PARG: variants seen among roughly 807,000 people sequenced by gnomAD.
The protein encoded by PARG is poly(ADP-ribose) glycohydrolase, also known as mitochondrial poly(ADP-ribose) glycohydrolase.
PARG carries 35 observed loss-of-function variants against 113.0 expected under a neutral mutation model. That is an observed-to-expected ratio of 0.31 (90% CI 0.24 to 0.41). The LOEUF (loss-of-function observed/expected upper bound fraction) is 0.41. Among genes scored for constraint, PARG ranks in the 10% least tolerant of loss-of-function variants. PARG has a pLI of 1.00. For missense variants in PARG, 797 were observed against 1,169.4 expected, an observed-to-expected ratio of 0.68 and a Z score of 4.64; for synonymous variants, 330 against 409.9, an observed-to-expected ratio of 0.81 and a Z score of 2.36.
chr10:49,832,897 T>A lies in PARG; in HGVS notation c.2553A>T (p.Gly851=), dbSNP rs1554830537. Residue 851 remains glycine (G), a synonymous_variant, in exon 16 of 18, where the codon GGA becomes GGT. Transcript: ENST00000616448. ...MRRELNKAYC[G]FLRPGVSSEN... ...CTGAAGAAACTCCAGGACGGAGAAATCCACAGTAAGCCTGCAGGATAAAAG... is the reference window on the plus strand; with the variant it reads ...CTGAAGAAACTCCAGGACGGAGAAAACCACAGTAAGCCTGCAGGATAAAAG... 9 of 1,541,678 alleles carry A rather than the reference T, an allele frequency of 5.8e-6. No homozygotes were observed. Among genetic ancestry groups the A allele is most frequent in the Non-Finnish European group, 7.9e-6 (9 of 1,138,230 alleles).
chr10:49,919,266 T>G (rs1837669006), intron 6 of PARG, among the ~76,000 whole-genome samples: 1 of 152,094 alleles, frequency 6.6e-6, no homozygotes, highest in South Asian at 2.1e-4. Flanking sequence ...TATTTGCAGT[T>G]GAAGAAATAT....
At chr10:49,917,609 C>T (rs1490861617) in intron 6 of PARG, among the ~76,000 whole-genome samples, 1 of 151,316 alleles carries the variant, frequency 6.6e-6, no homozygotes, top group Non-Finnish European at 1.5e-5. Flanking sequence ...TCGCTTGAGT[C>T]CAGGAGTTCG....
intron 4 of PARG, among the ~76,000 whole-genome samples, chr10:49,928,088 T>C (rs1323428338): frequency 6.6e-6 from 1 of 151,770 alleles, no homozygotes; most frequent in African/African-American, 2.4e-5. Context: ...CTAGCCAACA[T>C]GGCGAAACCC....
At chr10:49,926,568 G>A (rs1463157174) in intron 4 of PARG, among the ~76,000 whole-genome samples, 8 of 152,128 alleles carry the variant, frequency 5.3e-5, no homozygotes, top group East Asian at 1.9e-4. Flanking sequence ...TCTGACTGAC[G>A]TTCTTCATTC....
chr10:49,837,461 C>T (rs1845000563), intron 15 of PARG, among the ~76,000 whole-genome samples: 1 of 151,544 alleles, frequency 6.6e-6, no homozygotes, highest in South Asian at 2.1e-4. Context: ...TTAACACAGA[C>T]TTCTGCTCTA....
At chr10:49,836,207 C>G (rs1392038953) in intron 15 of PARG, among the ~76,000 whole-genome samples, 1 of 149,806 alleles carries the variant, frequency 6.7e-6, no homozygotes, top group Non-Finnish European at 1.5e-5. Flanking sequence ...TAAAGTTACT[C>G]ATTTATATGA....
intron 16 of PARG, among the ~76,000 whole-genome samples, chr10:49,820,589 G>T (rs1431642784): frequency 1.3e-5 from 2 of 151,960 alleles, no homozygotes; most frequent in Admixed American, 6.6e-5. Context: ...GGGTGTGGTG[G>T]CAGGTGACTG....
intron 4 of PARG, among the ~76,000 whole-genome samples, chr10:49,925,956 G>C (rs1554850472): frequency 6.6e-6 from 1 of 152,242 alleles, no homozygotes; most frequent in African/African-American, 2.4e-5. Context: ...TATTCCTGAT[G>C]CAAGTCCTGC....
chr10:49,912,806 A>C (rs1554846672), intron 7 of PARG, among the ~76,000 whole-genome samples: 1 of 152,158 alleles, frequency 6.6e-6, no homozygotes, highest in Non-Finnish European at 1.5e-5. Context: ...TCTCTACAAA[A>C]AAATACAAAA....
In PARG at chr10:49,933,229, C is replaced by A. The variant is rs1433193287; in HGVS notation, c.1219G>T (p.Asp407Tyr). 4 of 1,590,988 alleles carry A rather than the reference C, an allele frequency of 2.5e-6. No homozygotes were observed. The highest frequency in any genetic ancestry group is 2.2e-5 in the East Asian group (1 of 44,494). ...CRNSKQHGKK[D>Y]SKITDHFMRL... ...ATGAAATGATCTGTGATTTTAGAAT[C>A]CTTTTTTCCATGTTGCTTAGAATTT... The change falls in exon 3 of 18, where the codon GAT (aspartate) becomes TAT (tyrosine). Residue 407 changes from aspartate (D) to tyrosine (Y), a missense_variant. Asp to Tyr is a radical substitution (Grantham distance 160). This residue lies in a region of PARG where 252 missense variants were observed against 437.4 expected (regional missense o/e 0.58). Transcript: ENST00000616448.
chr10:49,868,051 A>G (rs543504551), intron 10 of PARG, among the ~76,000 whole-genome samples: 2 of 152,162 alleles, frequency 1.3e-5, no homozygotes, highest in African/African-American at 4.8e-5. Context: ...GCAGTGGCAC[A>G]ATCTCAGCTC....
Position 49,935,139 on chromosome 10 carries a change from A to C in PARG, c.221T>G (p.Phe74Cys), listed in dbSNP as rs1404923186. ...CCAACTGGTAATAGTCTTTTGTTTG[A>C]AAACTATAAAAAAAAATGTATATTC... ...QHRGSATSLV[F>C]KQKTITSWMD... Residue 74 changes from phenylalanine to cysteine, a missense_variant, in exon 2 of 18, where the codon TTC (phenylalanine) becomes TGC (cysteine). By Grantham distance (205) the Phe-to-Cys change is radical. Around this residue, in one of 5 missense-constraint regions of PARG, gnomAD observed 284 missense variants for 306.1 expected, o/e 0.93. Coordinates refer to ENST00000616448, the MANE Select transcript of PARG (RefSeq NM_003631.5). 7 of 748,760 alleles carry C rather than the reference A, an allele frequency of 9.3e-6. No individual in the cohort carries two copies. Among genetic ancestry groups the C allele is most frequent in the Non-Finnish European group, 1.6e-5 (7 of 426,180 alleles). The allele number at this position is 748,760 out of a possible 1,614,324, so 46.4% of individuals were successfully genotyped here.
chr10:49,920,604 G>GTGTATATATATACACATATA (rs1837806704), intron 6 of PARG, among the ~76,000 whole-genome samples: 4 of 133,028 alleles, frequency 3.0e-5, no homozygotes, highest in South Asian at 2.4e-4. Context: ...ACATATATAC[G>GTGTATATATATACACATATA]TACATATATA....
intron 15 of PARG, among the ~76,000 whole-genome samples, chr10:49,835,394 G>A (rs80150372): frequency 0.07 from 10,606 of 152,052 alleles, 522 homozygotes; most frequent in African/African-American, 0.12. Context: ...AACTCAGAAG[G>A]GGGAAAAGAA....
chr10:49,924,863 T>C (rs1838072812), intron 4 of PARG, among the ~76,000 whole-genome samples: 1 of 152,316 alleles, frequency 6.6e-6, no homozygotes, highest in East Asian at 1.9e-4. Flanking sequence ...AAAATCTACA[T>C]TGTGTAGAGC....
intron 7 of PARG, among the ~76,000 whole-genome samples, chr10:49,908,938 C>A (rs2664461): frequency 6.6e-6 from 1 of 152,104 alleles, no homozygotes; most frequent in Non-Finnish European, 1.5e-5. Context: ...CACTAACCCT[C>A]CATGAAATGT....
At position 49,932,199 on chromosome 10, in the gene PARG, C is replaced by T; in HGVS notation, c.1356G>A (p.Lys452=). 6.2e-7 allele frequency: 1 copy of T among 1,602,730 alleles called. No homozygotes were observed. Among genetic ancestry groups the T allele is most frequent in the Non-Finnish European group, 8.5e-7 (1 of 1,169,604 alleles). ...TCTCCTCAATGGGAGTTCCAAGCCA[C>T]TTCTTATCTGGAGAAAGGTGAGGTG... The part of the protein sequence containing the change: ...YVPPHLSPDK[K]WLGTPIEEMR... The change falls in exon 4 of 18, where the codon AAG becomes AAA. Residue 452 remains lysine (K), a synonymous_variant. Transcript: ENST00000616448.
intron 7 of PARG, among the ~76,000 whole-genome samples, chr10:49,895,696 G>A (rs1848049247): frequency 2.6e-5 from 4 of 151,908 alleles, no homozygotes; most frequent in Admixed American, 1.3e-4. Context: ...GTGAGCCACC[G>A]CGCCCGGCCG....
rs782460256 is a variant in PARG at position 49,922,402 on chromosome 10, C to T, written c.1596G>A (p.Ala532=). 9.9e-6 allele frequency: 16 copies of T among 1,608,192 alleles called. No homozygotes were observed. The Admixed American group carries it at 1.0e-4, about 10-fold the overall frequency. The change falls in exon 6 of 18, where the codon GCG becomes GCA. Residue 532 remains alanine, a synonymous_variant. Coordinates refer to ENST00000616448, the MANE Select transcript of PARG (RefSeq NM_003631.5). ...PVEDENGERT[A]GSRWELIQTA... is the part of the protein sequence containing the mutation. ...TCTGAATGAGCTCCCACCGGCTCCC[C>T]GCAGTTCGCTCACCATTCTTTTGGA...
Sources: gnomAD v4.1 joint callset for allele counts (sites outside exome capture counted in the v4.1 genomes callset) on GRCh38, gnomAD v4.1.1 for gene constraint, gnomAD v4.1.1 regional missense constraint, MANE v1.5 for transcripts, NCBI Gene and HGNC (gene_info 2026-07-23, HGNC 2026-07-21) for gene names.